MICALL2: variants seen among roughly 807,000 people sequenced by gnomAD.
MICALL2 encodes the protein MICAL like 2, also known as MICAL-like protein 2.
Under a neutral mutation model 91.1 loss-of-function variants are expected in MICALL2, and 111 were observed. The observed-to-expected ratio is 1.22, with a 90% CI of 1.04 to 1.43. MICALL2 has a LOEUF of 1.43. Ranked by LOEUF, MICALL2 falls within the 40% of genes most tolerant of loss-of-function variation. MICALL2 has a pLI of 0.00. For missense variants in MICALL2, 1,556 were observed against 1,236.0 expected (o/e 1.26, Z -3.88); for synonymous variants, 694 against 525.3 (o/e 1.32, Z -4.39).
intron 16 of MICALL2, 123 bp from the exon 17 acceptor site, chr7:1,434,795 G>A (rs1196446671): frequency 1.1e-5 from 12 of 1,043,944 alleles, no homozygotes; most frequent in Admixed American, 2.8e-5. Flanking sequence ...CTGGGCCTCC[G>A]AGCCTGCAGG....
At position 1,437,717 on chromosome 7, in the gene MICALL2, G is replaced by A. The variant is rs904796003; in HGVS notation, c.2403-109C>T. The A allele has an allele frequency of 3.9e-6, 5 of 1,298,160 alleles. No individual in the cohort carries two copies. The African/African-American group carries it at 4.5e-5, about 12-fold the overall frequency. The allele number at this position is 1,298,160 out of a possible 1,614,324, so 80.4% of individuals were successfully genotyped here. A position where few individuals can be genotyped will look rare whatever the true frequency, so the allele number is the denominator to read the frequency against. On this transcript the variant is annotated intron_variant, in intron 13 of 16. Transcript: ENST00000297508. ...CCTGCCACACAGACACGAGTCTGAG[G>A]CCTGACTCGCCGCCCGTCCCCCGCC...
chr7:1,438,776 G>A (rs1012374768), intron 10 of MICALL2, 64 bp downstream of exon 10: 30 of 1,535,236 alleles, frequency 2.0e-5, no homozygotes, highest in Middle Eastern at 1.7e-4. Context: ...AGCAGGCATT[G>A]CCTCCTCAGA....
rs752712878 is a variant in MICALL2 at position 1,438,900 on chromosome 7, C to A, written c.2062G>T (p.Glu688Ter). ...TCCTTCCAGCTCTGCACTCGGGCTT[C>A]CTGGCCAGGGGGCTCCGGCCGAAGC... The part of the protein sequence containing the change: ...NWLRPEPPGQ[E>*]ARVQSWKEEE... Residue 688 changes from glutamate to a stop codon, truncating the protein, a stop_gained, in exon 10 of 17, where the codon GAA becomes TAA. Coordinates refer to ENST00000297508, the MANE Select transcript of MICALL2 (RefSeq NM_182924.4). LOFTEE classifies it high-confidence loss of function. 2.0e-5 allele frequency: 32 copies of A among 1,610,376 alleles called. No homozygotes were observed. The highest frequency in any genetic ancestry group is 2.7e-5 in the Non-Finnish European group (32 of 1,179,538).
intron 1 of MICALL2, among the ~76,000 whole-genome samples, chr7:1,457,376 G>A (rs1409692252): frequency 6.6e-6 from 1 of 152,310 alleles, no homozygotes; most frequent in Admixed American, 6.5e-5. Flanking sequence ...ACACCCACCG[G>A]AGCTGGGGGC....
At chr7:1,435,254 G>A (rs1779910977) in intron 15 of MICALL2, 107 bp from the exon 16 acceptor site, 2 of 1,132,972 alleles carry the variant, frequency 1.8e-6, no homozygotes, top group Admixed American at 3.6e-5. Context: ...AGTCCCGCCT[G>A]GACCCATGCC....
chr7:1,442,111 C>T lies in MICALL2; in HGVS notation c.1711+81G>A, dbSNP rs1780310186. On this transcript the variant is annotated intron_variant, in intron 7 of 16. Transcript: ENST00000297508. ...GCGGGCGGGGCTGATGATGAAACCG[C>T]ACACACTGCAGAGTGCGGCCAGGGG... 9 of 1,487,016 alleles carry T rather than the reference C, an allele frequency of 6.1e-6. No homozygotes were observed. In the South Asian group the frequency reaches 8.5e-5, roughly 14 times the overall value. The allele number at this position is 1,487,016 out of a possible 1,614,324, so 92.1% of individuals were successfully genotyped here. A position where few individuals can be genotyped will look rare whatever the true frequency, so the allele number is the denominator to read the frequency against.
chr7:1,453,704 G>T (rs563840704), intron 1 of MICALL2, among the ~76,000 whole-genome samples: 1 of 152,218 alleles, frequency 6.6e-6, no homozygotes, highest in Admixed American at 6.5e-5. Context: ...GCTGCAGGTT[G>T]CCCACCTCCG....
intron 6 of MICALL2, among the ~76,000 whole-genome samples, chr7:1,443,138 G>A (rs1780389419): frequency 7.5e-6 from 1 of 133,274 alleles, no homozygotes; most frequent in African/African-American, 2.9e-5. Context: ...ACTGGGCTCA[G>A]GTGTGCCAGG....
At chr7:1,448,531 T>C in intron 3 of MICALL2, 89 bp downstream of exon 3, 8 of 1,336,496 alleles carry the variant, frequency 6.0e-6, no homozygotes, top group East Asian at 2.3e-5. Context: ...GGGCTGGGCA[T>C]GGACCCCAAA....
At chr7:1,447,476 G>T in intron 4 of MICALL2, 99 bp downstream of exon 4, 2 of 721,238 alleles carry the variant, frequency 2.8e-6, no homozygotes, top group South Asian at 3.9e-5. Context: ...CCCACTCTGG[G>T]TCCCGTGGCT....
At position 1,452,876 on chromosome 7, in the gene MICALL2, C is replaced by T. The variant is rs1267749303; in HGVS notation, c.144-2588G>A. ...ACCCCGGCCGGTCCCACAGCCACCACCCATCCTGCCCCAAGCTCCTTCCCC... is the reference window on the plus strand; with the variant it reads ...ACCCCGGCCGGTCCCACAGCCACCATCCATCCTGCCCCAAGCTCCTTCCCC... On this transcript the variant is annotated intron_variant, in intron 1 of 16. Coordinates refer to ENST00000297508, the MANE Select transcript of MICALL2 (RefSeq NM_182924.4). This position sits in a 1 kb window ranked among gnomAD's most constrained non-coding sequence, Gnocchi z 6.2. Among the ~76,000 whole-genome samples the T allele has an allele frequency of 6.6e-6, 1 of 152,102 alleles. No individual in the cohort carries two copies. Among genetic ancestry groups the T allele is most frequent in the Non-Finnish European group, 1.5e-5 (1 of 68,000 alleles).
Position 1,436,764 on chromosome 7 carries a change from A to G in MICALL2, c.2569T>C (p.Ser857Pro), listed in dbSNP as rs780496180. 6.2e-7 allele frequency: 1 copy of G among 1,607,458 alleles called. No homozygotes were observed. Among genetic ancestry groups the G allele is most frequent in the South Asian group, 1.1e-5 (1 of 90,660 alleles). The change falls in exon 15 of 17, where the codon TCG becomes CCG. Residue 857 changes from serine to proline, a missense_variant. By Grantham distance (74) the Ser-to-Pro change is moderately conservative. Transcript: ENST00000297508. ...TVNDRSDIVD[S>P]LDEDRLREQE... Reference sequence around the variant, plus strand: ...CACCGGAGCCGGTCCTCGTCCAGCGAGTCCACGATGTCACTGCGGTCGTTC... The same window carrying G: ...CACCGGAGCCGGTCCTCGTCCAGCGGGTCCACGATGTCACTGCGGTCGTTC...
chr7:1,442,059 G>C (rs557380087), intron 7 of MICALL2, 133 bp downstream of exon 7: 1 of 1,042,222 alleles, frequency 9.6e-7, no homozygotes, highest in African/African-American at 1.6e-5. Flanking sequence ...AGGTGTCACG[G>C]AGGACAGAGA....
At chr7:1,450,729 C>T (rs768269542) in intron 1 of MICALL2, among the ~76,000 whole-genome samples, 14 of 152,220 alleles carry the variant, frequency 9.2e-5, no homozygotes, top group Non-Finnish European at 1.5e-4. Flanking sequence ...AGGAGAGAGG[C>T]TCCCAGGGCA....
At chr7:1,447,523 C>G (rs970660848) in intron 4 of MICALL2, 52 bp downstream of exon 4, 17 of 1,175,790 alleles carry the variant, frequency 1.4e-5, no homozygotes, top group Non-Finnish European at 2.0e-5. Context: ...CCCTTCTGCA[C>G]CCCCCGGTGG....
chr7:1,448,814 C>T (rs1018580879), intron 2 of MICALL2, 53 bp from the exon 3 acceptor site: 2 of 1,599,308 alleles, frequency 1.3e-6, no homozygotes, highest in Non-Finnish European at 8.5e-7. Flanking sequence ...CCTCCTTCTC[C>T]ACCAGGCCGC....
Position 1,442,354 on chromosome 7 carries a change from G to A in MICALL2, c.1549C>T (p.Pro517Ser), listed in dbSNP as rs1780333515. The change falls in exon 7 of 17, where the codon CCA (proline) becomes TCA (serine). Residue 517 changes from proline to serine, a missense_variant. Transcript: ENST00000297508. Reference protein sequence around the residue: ...VLGLPSRMEPPAPLSTSSTSQ... With the variant: ...VLGLPSRMEPSAPLSTSSTSQ... Reference sequence around the variant, plus strand: ...GTACTGCTCGTGCTCAGCGGGGCTGGCGGTTCCATCCTCGAAGGGAGGCCA... The same window carrying A: ...GTACTGCTCGTGCTCAGCGGGGCTGACGGTTCCATCCTCGAAGGGAGGCCA... The A allele has an allele frequency of 1.2e-6, 2 of 1,612,640 alleles. No individual in the cohort carries two copies. The highest frequency in any genetic ancestry group is 8.5e-7 in the Non-Finnish European group (1 of 1,179,474).
intron 1 of MICALL2, among the ~76,000 whole-genome samples, chr7:1,455,630 C>T (rs1258653675): frequency 1.3e-5 from 2 of 149,802 alleles, no homozygotes; most frequent in African/African-American, 2.4e-5. Flanking sequence ...CGGATCCCCG[C>T]CCCCTCCACC....
intron 5 of MICALL2, among the ~76,000 whole-genome samples, chr7:1,446,047 G>A (rs900452639): frequency 8.9e-5 from 13 of 145,294 alleles, no homozygotes; most frequent in Non-Finnish European, 1.2e-4. Flanking sequence ...GCATCTGGAC[G>A]GGGGCACTGG....
Sources: allele counts gnomAD v4.1 joint callset (sites outside exome capture counted in the v4.1 genomes callset), GRCh38; gene constraint gnomAD v4.1.1; non-coding constraint Gnocchi (gnomAD v3.1); transcripts MANE v1.5; gene names NCBI Gene and HGNC (gene_info 2026-07-23, HGNC 2026-07-21).